OR10G8: variants seen among roughly 807,000 people sequenced by gnomAD.
OR10G8 encodes the protein olfactory receptor 10G8.
For synonymous variants in OR10G8, 173 were observed against 163.2 expected (o/e 1.06, Z -0.46); for missense variants, 386 against 384.9 (o/e 1.00, Z -0.02).
At position 124,030,469 on chromosome 11, in the gene OR10G8, A is replaced by G; in HGVS notation, c.847A>G (p.Asn283Asp). The G allele has an allele frequency of 6.2e-7, 1 of 1,614,178 alleles. No individual in the cohort carries two copies. The highest frequency in any genetic ancestry group is 8.5e-7 in the Non-Finnish European group (1 of 1,180,024). Residue 283 changes from asparagine to aspartate, a missense_variant, in exon 2 of 2, where the codon AAC (asparagine) becomes GAC (aspartate). Coordinates refer to ENST00000641224, the MANE Select transcript of OR10G8 (RefSeq NM_001004464.2). Reference sequence around the variant, plus strand: ...CTACACTGTGCTGACGCCCCTTCTCAACCCTGTTGTGTACACCCTGAGGAA... The same window carrying G: ...CTACACTGTGCTGACGCCCCTTCTCGACCCTGTTGTGTACACCCTGAGGAA... ...VFYTVLTPLL[N>D]PVVYTLRNKE... is the part of the protein sequence containing the mutation.
chr11:124,027,412 T>C (rs1015928538), intron 1 of OR10G8, among the ~76,000 whole-genome samples: 3 of 152,208 alleles, frequency 2.0e-5, no homozygotes, highest in African/African-American at 7.2e-5. Context: ...GATACATAGA[T>C]AGATAGATAG....
In OR10G8 at chr11:124,030,284, T is replaced by C. The variant is rs1195663573; in HGVS notation, c.662T>C (p.Val221Ala). The change falls in exon 2 of 2, where the codon GTC becomes GCC. Residue 221 changes from valine (V) to alanine (A), a missense_variant. Coordinates refer to ENST00000641224, the MANE Select transcript of OR10G8 (RefSeq NM_001004464.2). ...ATAGTGCTGTCCTATGTGTCCATCG[T>C]CTGTTCCATCCTGCGGATCCGCACC... is the stretch of plus-strand genomic sequence containing the variant. ...VLIVLSYVSI[V>A]CSILRIRTSE... The C allele has an allele frequency of 1.9e-6, 3 of 1,614,258 alleles. No homozygotes were observed. The Admixed American group carries it at 5.0e-5, about 27-fold the overall frequency.
At chr11:124,029,088 A>C (rs560417488) in intron 1 of OR10G8, among the ~76,000 whole-genome samples, 3 of 152,328 alleles carry the variant, frequency 2.0e-5, no homozygotes, top group African/African-American at 7.2e-5. Flanking sequence ...GGGTGACCTC[A>C]GTAAGTTGAG....
intron 1 of OR10G8, among the ~76,000 whole-genome samples, chr11:124,027,259 A>AG (rs1864115023): frequency 6.6e-6 from 1 of 152,306 alleles, no homozygotes; most frequent in South Asian, 2.1e-4. Context: ...TTACTATTGA[A>AG]ATGAATCACC....
Position 124,030,448 on chromosome 11 carries a change from A to T in OR10G8, c.826A>T (p.Thr276Ser). 2 of 1,614,228 alleles carry T rather than the reference A, an allele frequency of 1.2e-6. No homozygotes were observed. Among genetic ancestry groups the T allele is most frequent in the East Asian group, 4.5e-5 (2 of 44,890 alleles). The change falls in exon 2 of 2, where the codon ACT becomes TCT. Residue 276 changes from threonine (T) to serine (S), a missense_variant. Thr to Ser is a moderately conservative substitution (Grantham distance 58, BLOSUM62 1). Coordinates refer to ENST00000641224, the MANE Select transcript of OR10G8 (RefSeq NM_001004464.2). ...AVDGVVAVFYTVLTPLLNPVV... is the reference protein window; with the variant it reads ...AVDGVVAVFYSVLTPLLNPVV... ...GGATGGAGTTGTGGCCGTTTTCTAC[A>T]CTGTGCTGACGCCCCTTCTCAACCC...
At position 124,027,315 on chromosome 11, in the gene OR10G8, C is replaced by T. The variant is rs112986008; in HGVS notation, c.-28+448C>T. Among the ~76,000 whole-genome samples the T allele has an allele frequency of 3.4e-3, 523 of 152,232 alleles. 4 individuals are homozygous for T. The highest frequency in any genetic ancestry group is 0.02 in the Middle Eastern group (6 of 294). The stretch of plus-strand genomic sequence containing the variant: ...GAAATGTAGATTTAACTTATTTTCT[C>T]CTGCTTTCCTTCTTTCCTTTATGTC... On this transcript the variant is annotated intron_variant, in intron 1 of 1. Transcript: ENST00000641224.
intron 1 of OR10G8, 71 bp from the exon 2 acceptor site, chr11:124,029,525 G>A (rs1864134105): frequency 7.3e-7 from 1 of 1,363,048 alleles, no homozygotes; most frequent in African/African-American, 1.4e-5. Flanking sequence ...GCTTGATGCA[G>A]TTTCCACACA....
chr11:124,027,849 A>G (rs1864119801), intron 1 of OR10G8, among the ~76,000 whole-genome samples: 2 of 152,208 alleles, frequency 1.3e-5, no homozygotes, highest in Admixed American at 6.5e-5. Context: ...AACAATTAGT[A>G]AGACTCCTGA....
At chr11:124,028,234 A>G (rs1348373116) in intron 1 of OR10G8, among the ~76,000 whole-genome samples, 1 of 152,216 alleles carries the variant, frequency 6.6e-6, no homozygotes, top group Admixed American at 6.5e-5. Flanking sequence ...TATGAATGCC[A>G]TGTTCTCAGA....
rs761049748 is a variant in OR10G8 at position 124,030,530 on chromosome 11, A to G, written c.908A>G (p.Asp303Gly). The G allele has an allele frequency of 3.9e-5, 63 of 1,599,298 alleles. No homozygotes were observed. Among genetic ancestry groups the G allele is most frequent in the Non-Finnish European group, 5.2e-5 (61 of 1,174,574 alleles). ...AAGAAAGCTCTGTTGAAGCTGAAAG[A>G]CAAAGTAGCACATTCTCAGAGCAAA... ...EVKKALLKLK[D>G]KVAHSQSK Residue 303 changes from aspartate (D) to glycine (G), a missense_variant, in exon 2 of 2, where the codon GAC (aspartate) becomes GGC (glycine). Physicochemically the swap from Asp to Gly is moderately conservative, Grantham distance 94 (BLOSUM62 -1). Coordinates refer to ENST00000641224, the MANE Select transcript of OR10G8 (RefSeq NM_001004464.2).
At chr11:124,027,096 C>G (rs1040317200) in intron 1 of OR10G8, among the ~76,000 whole-genome samples, 11 of 152,160 alleles carry the variant, frequency 7.2e-5, no homozygotes, top group African/African-American at 2.4e-4. Flanking sequence ...ATATTCATTT[C>G]CATTCCCTGC....
intron 1 of OR10G8, among the ~76,000 whole-genome samples, chr11:124,028,097 G>T (rs990367557): frequency 1.3e-5 from 2 of 152,136 alleles, no homozygotes; most frequent in Non-Finnish European, 2.9e-5. Flanking sequence ...GAGGAGTAAA[G>T]GAAGATGGTG....
rs773056536 is a variant in OR10G8, at chr11:124,029,725, C to T, written c.103C>T (p.Leu35Phe). The change falls in exon 2 of 2, where the codon CTC becomes TTC. Residue 35 changes from leucine (L) to phenylalanine (F), a missense_variant. Leu to Phe is a conservative substitution (Grantham distance 22). Transcript: ENST00000641224. The stretch of plus-strand genomic sequence containing the variant: ...TGGAGTCTTCCTGGTGGTTTACGTG[C>T]TCACTGTGCTGGGGAACCTCCTCAT... ...LFGVFLVVYV[L>F]TVLGNLLILL... 3 of 1,613,960 alleles carry T rather than the reference C, an allele frequency of 1.9e-6. No individual in the cohort carries two copies. Among genetic ancestry groups the T allele is most frequent in the Non-Finnish European group, 2.5e-6 (3 of 1,179,860 alleles).
In OR10G8 at chr11:124,029,689, G is replaced by A. The variant is rs879744798; in HGVS notation, c.67G>A (p.Ala23Thr). ...CCTTCCCCATGCCCCAGCGCTGGAC[G>A]CCCCCCTCTTTGGAGTCTTCCTGGT... is the stretch of plus-strand genomic sequence containing the variant. ...MGLPHAPALD[A>T]PLFGVFLVVY... is the part of the protein sequence containing the mutation. The change falls in exon 2 of 2, where the codon GCC (alanine) becomes ACC (threonine). Residue 23 changes from alanine (A) to threonine (T), a missense_variant. Physicochemically the swap from Ala to Thr is moderately conservative, Grantham distance 58 (BLOSUM62 0). Transcript: ENST00000641224. The A allele has an allele frequency of 1.8e-5, 29 of 1,613,748 alleles. No individual in the cohort carries two copies. The highest frequency in any genetic ancestry group is 2.2e-5 in the East Asian group (1 of 44,880).
Position 124,029,703 on chromosome 11 carries a change from A to G in OR10G8, c.81A>G (p.Gly27=). 6.2e-7 allele frequency: 1 copy of G among 1,613,740 alleles called. No homozygotes were observed. Among genetic ancestry groups the G allele is most frequent in the Non-Finnish European group, 8.5e-7 (1 of 1,179,820 alleles). ...HAPALDAPLF[G]VFLVVYVLTV... Reference sequence around the variant, plus strand: ...CAGCGCTGGACGCCCCCCTCTTTGGAGTCTTCCTGGTGGTTTACGTGCTCA... The same window carrying G: ...CAGCGCTGGACGCCCCCCTCTTTGGGGTCTTCCTGGTGGTTTACGTGCTCA... The change falls in exon 2 of 2, where the codon GGA becomes GGG. Residue 27 remains glycine (G), a synonymous_variant. Transcript: ENST00000641224.
chr11:124,030,451 G>T lies in OR10G8; in HGVS notation c.829G>T (p.Val277Leu). The T allele has an allele frequency of 6.2e-7, 1 of 1,614,110 alleles. No individual in the cohort carries two copies. Among genetic ancestry groups the T allele is most frequent in the Non-Finnish European group, 8.5e-7 (1 of 1,179,962 alleles). The change falls in exon 2 of 2, where the codon GTG becomes TTG. Residue 277 changes from valine to leucine, a missense_variant. Physicochemically the swap from Val to Leu is conservative, Grantham distance 32. Transcript: ENST00000641224. ...VDGVVAVFYT[V>L]LTPLLNPVVY... ...TGGAGTTGTGGCCGTTTTCTACACTGTGCTGACGCCCCTTCTCAACCCTGT... is the reference window on the plus strand; with the variant it reads ...TGGAGTTGTGGCCGTTTTCTACACTTTGCTGACGCCCCTTCTCAACCCTGT...
intron 1 of OR10G8, among the ~76,000 whole-genome samples, chr11:124,029,319 G>A (rs1864132639): frequency 6.6e-6 from 1 of 152,134 alleles, no homozygotes. Flanking sequence ...AAATTTGCAT[G>A]TTTTAAGCCA....
intron 1 of OR10G8, 153 bp from the exon 2 acceptor site, chr11:124,029,443 A>G (rs1345946929): frequency 7.2e-6 from 5 of 690,762 alleles, no homozygotes; most frequent in Non-Finnish European, 1.2e-5. Flanking sequence ...AGACTAGGAA[A>G]TCACTTCATT....
chr11:124,027,958 G>A (rs1436555585), intron 1 of OR10G8, among the ~76,000 whole-genome samples: 1 of 152,126 alleles, frequency 6.6e-6, no homozygotes, highest in African/African-American at 2.4e-5. Flanking sequence ...TTGACATCAA[G>A]GTGGCATAGA....
Sources: allele counts gnomAD v4.1 joint callset (sites outside exome capture counted in the v4.1 genomes callset), GRCh38; gene constraint gnomAD v4.1.1; transcripts MANE v1.5; gene names NCBI Gene and HGNC (gene_info 2026-07-23, HGNC 2026-07-21).